Variants in CSMD2 observed in about 807,000 individuals in gnomAD.
CSMD2 encodes the protein CUB and sushi domain-containing protein 2.
In CSMD2, 130 loss-of-function variants were observed where a neutral mutation model predicts 398.5. The ratio of observed to expected loss-of-function variants is 0.33; its 90% confidence interval spans 0.28 to 0.38. The LOEUF (loss-of-function observed/expected upper bound fraction) is 0.38. Among genes scored for constraint, CSMD2 ranks in the 10% least tolerant of loss-of-function variants. The pLI, the probability that CSMD2 is intolerant of heterozygous loss-of-function variation, is 1.00. For missense variants in CSMD2, 3,829 were observed against 4,764.9 expected (o/e 0.80, Z 5.78); for synonymous variants, 1,828 against 1,908.5 (o/e 0.96, Z 1.10).
intron 1 of CSMD2, among the ~76,000 whole-genome samples, chr1:34,136,946 A>G (rs1638813161): frequency 6.6e-6 from 1 of 151,764 alleles, no homozygotes; most frequent in Admixed American, 6.6e-5. Context: ...TCATCTTTCC[A>G]TTCACTCATC....
At chr1:33,858,972 C>A (rs1049857342) in intron 5 of CSMD2, among the ~76,000 whole-genome samples, 1 of 152,166 alleles carries the variant, frequency 6.6e-6, no homozygotes, top group Non-Finnish European at 1.5e-5. Context: ...ATATCATGTT[C>A]TTTTCCCTCA....
At chr1:33,527,940 CAA>C (rs61088318) in intron 64 of CSMD2, among the ~76,000 whole-genome samples, 1 of 108,558 alleles carries the variant, frequency 9.2e-6, no homozygotes, top group African/African-American at 3.5e-5. Context: ...GACTCTGTCT[CAA>C]AAAAAAAAAA....
At chr1:33,739,107 A>G in intron 15 of CSMD2, 33 bp downstream of exon 15, 5 of 1,591,890 alleles carry the variant, frequency 3.1e-6, no homozygotes, top group Non-Finnish European at 4.3e-6. Flanking sequence ...TCTGGCTGAC[A>G]ATGGCCACTG....
At chr1:33,959,523 G>C (rs1229412045) in intron 3 of CSMD2, among the ~76,000 whole-genome samples, 1 of 152,076 alleles carries the variant, frequency 6.6e-6, no homozygotes, top group Admixed American at 6.5e-5. Context: ...CAGTTTGCCC[G>C]GGACATATCC....
rs182318499 is a variant in CSMD2 at position 33,841,504 on chromosome 1, C to T, written c.1033+5380G>A. Reference sequence around the variant, plus strand: ...GGTGCTGTCCTCCCAGCCAGGGAAGCCCCTCACCAGTTGTGATTAGCAGGC... The same window carrying T: ...GGTGCTGTCCTCCCAGCCAGGGAAGTCCCTCACCAGTTGTGATTAGCAGGC... On this transcript the variant is annotated intron_variant, in intron 6 of 70. Transcript: ENST00000373381. Among the ~76,000 whole-genome samples the T allele has an allele frequency of 1.2e-3, 180 of 152,274 alleles. 1 individual carries two copies. The highest frequency in any genetic ancestry group is 1.4e-3 in the Non-Finnish European group (97 of 68,010).
intron 2 of CSMD2, among the ~76,000 whole-genome samples, chr1:34,065,962 C>T (rs1378372344): frequency 6.6e-6 from 1 of 152,178 alleles, no homozygotes; most frequent in Non-Finnish European, 1.5e-5. Flanking sequence ...GAACTTGAGA[C>T]AGTATTACAG....
At chr1:34,136,085 C>T (rs1278091170) in intron 1 of CSMD2, among the ~76,000 whole-genome samples, 1 of 152,114 alleles carries the variant, frequency 6.6e-6, no homozygotes, top group South Asian at 2.1e-4. Context: ...AAAATTAGGT[C>T]ATTTGGGTAA....
chr1:33,611,649 C>A (rs937421719), intron 40 of CSMD2, among the ~76,000 whole-genome samples: 2 of 152,088 alleles, frequency 1.3e-5, no homozygotes, highest in Non-Finnish European at 2.9e-5. Context: ...AAGACAAGAC[C>A]TTCAATACTG....
intron 4 of CSMD2, among the ~76,000 whole-genome samples, chr1:33,923,112 TAC>T (rs1395794514): frequency 1.3e-5 from 2 of 152,208 alleles, no homozygotes; most frequent in Admixed American, 1.3e-4. Flanking sequence ...AAAATATTTG[TAC>T]ATTTTTATGG....
chr1:33,810,988 C>T lies in CSMD2; in HGVS notation c.1325-124G>A, dbSNP rs1570065542. On this transcript the variant is annotated intron_variant, in intron 9 of 70. Coordinates refer to ENST00000373381, the MANE Select transcript of CSMD2 (RefSeq NM_001281956.2). The stretch of plus-strand genomic sequence containing the variant: ...TTCCCACCCTGGACATAACCTTCTG[C>T]TTCCTGGGTCCTTCCTCTACAGTTC... 6.6e-6 allele frequency: 7 copies of T among 1,061,504 alleles called. No individual in the cohort carries two copies. The East Asian group carries it at 2.0e-4, about 30-fold the overall frequency. The allele number at this position is 1,061,504 out of a possible 1,614,324, so 65.8% of individuals were successfully genotyped here.
At chr1:33,900,674 G>C (rs528440763) in intron 5 of CSMD2, among the ~76,000 whole-genome samples, 2 of 152,234 alleles carry the variant, frequency 1.3e-5, no homozygotes, top group African/African-American at 4.8e-5. Context: ...AGCTACTGGG[G>C]AGGCTAAGGT....
At chr1:34,161,945 G>A (rs1238468361) in intron 1 of CSMD2, among the ~76,000 whole-genome samples, 1 of 152,000 alleles carries the variant, frequency 6.6e-6, no homozygotes, top group Non-Finnish European at 1.5e-5. Flanking sequence ...GGGCAAGGTG[G>A]GCAGATCATG....
rs1250733866 is a variant in CSMD2 at position 33,921,900 on chromosome 1, C to CA, written c.713-3600dup. ...AGGTTGCCGGTGGGGAGATCAGAGACAGAGAATGGAGAAGAGGTTTTCCCA... is the reference window on the plus strand; with the variant it reads ...AGGTTGCCGGTGGGGAGATCAGAGACAAGAGAATGGAGAAGAGGTTTTCCCA... On this transcript the variant is annotated intron_variant, in intron 4 of 70. Coordinates refer to ENST00000373381, the MANE Select transcript of CSMD2 (RefSeq NM_001281956.2). Among the ~76,000 whole-genome samples the CA allele has an allele frequency of 2.0e-5, 3 of 152,186 alleles. No individual in the cohort carries two copies. The East Asian group carries it at 5.8e-4, about 29-fold the overall frequency.
At chr1:34,058,275 G>A (rs1430714984) in intron 2 of CSMD2, among the ~76,000 whole-genome samples, 1 of 152,094 alleles carries the variant, frequency 6.6e-6, no homozygotes, top group Non-Finnish European at 1.5e-5. Flanking sequence ...TTCCACACCT[G>A]CAAAATGGAG....
At position 33,521,532 on chromosome 1, in the gene CSMD2, C is replaced by T. The variant is rs751420152; in HGVS notation, c.10528G>A (p.Gly3510Arg). 1.9e-5 allele frequency: 31 copies of T among 1,612,792 alleles called. No individual in the cohort carries two copies. The highest frequency in any genetic ancestry group is 1.3e-4 in the East Asian group (6 of 44,884). The change falls in exon 68 of 71, where the codon GGA becomes AGA. Residue 3510 changes from glycine to arginine, a missense_variant. By Grantham distance (125) the Gly-to-Arg change is moderately radical. This residue lies in a region of CSMD2 where 917 missense variants were observed against 1,199.5 expected (regional missense o/e 0.76). Coordinates refer to ENST00000373381, the MANE Select transcript of CSMD2 (RefSeq NM_001281956.2). ...LDGHVSSESSGATFIYQGSVK... is the reference protein window; with the variant it reads ...LDGHVSSESSRATFIYQGSVK... ...GAGCCTTGGTAGATGAAGGTGGCTC[C>T]GGAGGACTCTGACGAGACCTGTGAT...
intron 21 of CSMD2, 143 bp from the exon 22 acceptor site, chr1:33,709,401 T>TG: frequency 1.5e-6 from 1 of 654,058 alleles, no homozygotes; most frequent in South Asian, 2.0e-5. Flanking sequence ...GTCCAGTTGT[T>TG]GGACTGTCTA....
chr1:33,632,284 T>C (rs897704645), intron 32 of CSMD2, among the ~76,000 whole-genome samples: 1 of 152,106 alleles, frequency 6.6e-6, no homozygotes, highest in African/African-American at 2.4e-5. Context: ...TTTGATAGCA[T>C]GGGAAATTTA....
intron 3 of CSMD2, among the ~76,000 whole-genome samples, chr1:33,967,865 A>G (rs1214258729): frequency 6.6e-6 from 1 of 152,204 alleles, no homozygotes; most frequent in East Asian, 1.9e-4. Context: ...GCTTGTCTGA[A>G]GAGCCCCATC....
chr1:33,766,987 GATA>G (rs1650590915), intron 13 of CSMD2, among the ~76,000 whole-genome samples: 1 of 152,192 alleles, frequency 6.6e-6, no homozygotes. Flanking sequence ...GTCCTGATCG[GATA>G]ATGTCAATTC....
Sources: allele counts gnomAD v4.1 joint callset (sites outside exome capture counted in the v4.1 genomes callset), GRCh38; gene constraint gnomAD v4.1.1; regional missense constraint gnomAD v4.1.1; transcripts MANE v1.5; gene names NCBI Gene and HGNC (gene_info 2026-07-23, HGNC 2026-07-21).